Variants in PCDH9 observed in about 807,000 individuals in gnomAD.
The protein encoded by PCDH9 is protocadherin 9.
In PCDH9, 24 loss-of-function variants were observed where a neutral mutation model predicts 70.6. The observed-to-expected ratio is 0.34, with a 90% CI of 0.25 to 0.48. The LOEUF is 0.48. PCDH9 is among the 20% of genes least tolerant of loss of function. PCDH9 has a pLI of 0.99. For synonymous variants in PCDH9, 562 were observed against 558.5 expected (o/e 1.01, Z -0.09); for missense variants, 1,281 against 1,503.6 (o/e 0.85, Z 2.45).
chr13:66,974,111 T>C (rs566488301), intron 2 of PCDH9, among the ~76,000 whole-genome samples: 1 of 152,106 alleles, frequency 6.6e-6, no homozygotes, highest in African/African-American at 2.4e-5. Flanking sequence ...ATGACCACAA[T>C]GACCTTCGTG....
At chr13:66,513,523 T>G (rs1316939108) in intron 4 of PCDH9, among the ~76,000 whole-genome samples, 1 of 151,988 alleles carries the variant, frequency 6.6e-6, no homozygotes, top group Non-Finnish European at 1.5e-5. Flanking sequence ...GGCCCATCAA[T>G]CAAAAACAAC....
chr13:66,766,831 G>A (rs2079725272), intron 3 of PCDH9, among the ~76,000 whole-genome samples: 1 of 151,956 alleles, frequency 6.6e-6, no homozygotes, highest in Non-Finnish European at 1.5e-5. Context: ...TGATATTTTA[G>A]TTTTCTTAAT....
intron 4 of PCDH9, among the ~76,000 whole-genome samples, chr13:66,388,715 T>TTTATA (rs1204081963): frequency 1.3e-5 from 2 of 152,150 alleles, no homozygotes; most frequent in African/African-American, 2.4e-5. Context: ...GACGCTGTTA[T>TTTATA]TTATATTATT....
chr13:66,503,996 T>G (rs1032366243), intron 4 of PCDH9, among the ~76,000 whole-genome samples: 1 of 152,170 alleles, frequency 6.6e-6, no homozygotes, highest in Non-Finnish European at 1.5e-5. Context: ...GTGTCCAACT[T>G]CATTTCATGC....
chr13:66,550,634 G>T (rs1961441483), intron 4 of PCDH9, among the ~76,000 whole-genome samples: 1 of 152,138 alleles, frequency 6.6e-6, no homozygotes, highest in South Asian at 2.1e-4. Context: ...CTGTGTCCTT[G>T]ATAGCACAGA....
chr13:66,328,504 G>A (rs1429551952), intron 4 of PCDH9, among the ~76,000 whole-genome samples: 1 of 151,996 alleles, frequency 6.6e-6, no homozygotes. Flanking sequence ...AATTTACAAG[G>A]TGGTATTATG....
At chr13:66,307,091 T>G (rs1479933991) in intron 4 of PCDH9, among the ~76,000 whole-genome samples, 1 of 152,102 alleles carries the variant, frequency 6.6e-6, no homozygotes, top group Non-Finnish European at 1.5e-5. Context: ...ATGCTTCATA[T>G]GCACCTTGAT....
intron 4 of PCDH9, among the ~76,000 whole-genome samples, chr13:66,576,069 T>TAAAAAA (rs1239561008): frequency 5.7e-5 from 6 of 106,076 alleles, no homozygotes; most frequent in African/African-American, 2.0e-4. Context: ...TCACAGCAGA[T>TAAAAAA]AAAAAAAAAA....
intron 2 of PCDH9, among the ~76,000 whole-genome samples, chr13:66,924,527 T>C (rs939883003): frequency 9.2e-5 from 14 of 151,662 alleles, no homozygotes; most frequent in African/African-American, 2.9e-4. Flanking sequence ...CTACCAGTAC[T>C]TAAATATACT....
At chr13:67,136,872 G>C (rs566983428) in intron 2 of PCDH9, among the ~76,000 whole-genome samples, 61 of 152,128 alleles carry the variant, frequency 4.0e-4, no homozygotes, top group African/African-American at 1.5e-3. Context: ...AATAGTAATA[G>C]TAATAGACAT....
At position 66,542,675 on chromosome 13, in the gene PCDH9, T is replaced by A. The variant is rs180936061; in HGVS notation, c.3340+88535A>T. Among the ~76,000 whole-genome samples, 517 of 114,460 alleles carry A rather than the reference T, an allele frequency of 4.5e-3. 6 individuals carry two copies. Among genetic ancestry groups the A allele is most frequent in the African/African-American group, 0.014 (498 of 35,968 alleles). The allele number at this position is 114,460 out of a possible 152,430, so 75.1% of individuals were successfully genotyped here. A position where few individuals can be genotyped will look rare whatever the true frequency, so the allele number is the denominator to read the frequency against. On this transcript the variant is annotated intron_variant, in intron 4 of 4. Transcript: ENST00000377865. The stretch of plus-strand genomic sequence containing the variant: ...CATTAAAGTCAAATATATATATATT[T>A]AAATATATATATGTTTAAATATATA...
At chr13:66,715,980 T>G (rs2078861690) in intron 3 of PCDH9, among the ~76,000 whole-genome samples, 1 of 152,212 alleles carries the variant, frequency 6.6e-6, no homozygotes, top group Admixed American at 6.5e-5. Flanking sequence ...GTAGATTATT[T>G]CCATCTGAAG....
At chr13:66,676,650 A>C (rs542272819) in intron 3 of PCDH9, among the ~76,000 whole-genome samples, 2 of 152,214 alleles carry the variant, frequency 1.3e-5, no homozygotes, top group African/African-American at 4.8e-5. Context: ...CTTCTCTTTA[A>C]AAATAACTTA....
chr13:67,028,088 T>C, intron 2 of PCDH9, among the ~76,000 whole-genome samples: 1 of 151,110 alleles, frequency 6.6e-6, no homozygotes, highest in Non-Finnish European at 1.5e-5. Context: ...CAAATGACTA[T>C]AAATCATGCT....
At chr13:66,479,656 C>T (rs973844915) in intron 4 of PCDH9, among the ~76,000 whole-genome samples, 2 of 151,770 alleles carry the variant, frequency 1.3e-5, no homozygotes, top group African/African-American at 4.8e-5. Context: ...ATGCACCAAT[C>T]AGCAATCTGT....
At chr13:67,186,991 T>A (rs1287027921) in intron 2 of PCDH9, among the ~76,000 whole-genome samples, 1 of 152,208 alleles carries the variant, frequency 6.6e-6, no homozygotes, top group Non-Finnish European at 1.5e-5. Context: ...TTACAAGTAT[T>A]TCATTGGTTT....
chr13:67,051,654 G>C (rs1455533531), intron 2 of PCDH9, among the ~76,000 whole-genome samples: 1 of 152,022 alleles, frequency 6.6e-6, no homozygotes, highest in Non-Finnish European at 1.5e-5. Flanking sequence ...GCCTCCCAAA[G>C]TGCTGGAATT....
At chr13:66,323,371 T>C (rs1001073832) in intron 4 of PCDH9, 67 of 152,018 alleles carry the variant, frequency 4.4e-4, no homozygotes, top group African/African-American at 1.5e-3. Flanking sequence ...ACTTGGTGAA[T>C]TGAATTATTA....
intron 2 of PCDH9, among the ~76,000 whole-genome samples, chr13:67,044,409 T>C (rs2085183258): frequency 6.6e-6 from 1 of 152,166 alleles, no homozygotes; most frequent in African/African-American, 2.4e-5. Flanking sequence ...CAAATGCCAA[T>C]TCCACATGGC....
Sources: allele counts gnomAD v4.1 joint callset (sites outside exome capture counted in the v4.1 genomes callset), GRCh38; gene constraint gnomAD v4.1.1; transcripts MANE v1.5; gene names NCBI Gene and HGNC (gene_info 2026-07-23, HGNC 2026-07-21).